DCC: variants seen among roughly 807,000 people sequenced by gnomAD.
DCC encodes DCC netrin 1 receptor.
In DCC, 58 loss-of-function variants were observed where a neutral mutation model predicts 172.5. The observed-to-expected ratio is 0.34, with a 90% CI of 0.27 to 0.42. The LOEUF is 0.42. Among genes scored for constraint, DCC ranks in the 10% least tolerant of loss-of-function variants. The pLI is 1.00. For synonymous variants in DCC, 709 were observed against 644.5 expected (o/e 1.10, Z -1.52); for missense variants, 1,740 against 1,791.0 (o/e 0.97, Z 0.51).
At chr18:53,372,297 T>C (rs1028541387) in intron 15 of DCC, among the ~76,000 whole-genome samples, 2 of 152,024 alleles carry the variant, frequency 1.3e-5, no homozygotes, top group Non-Finnish European at 2.9e-5. Context: ...TAAAAAAGAA[T>C]GATATGGCCT....
intron 1 of DCC, among the ~76,000 whole-genome samples, chr18:52,721,850 A>C (rs7241470): frequency 0.98 from 148,798 of 152,126 alleles, 72,847 homozygotes; most frequent in East Asian, 1. Flanking sequence ...CATGGTGAAA[A>C]CCTATCTCTA....
chr18:52,765,199 A>ATTTTTTTTTTTTTTTTTTTTTTTTT (rs369735420), intron 2 of DCC, among the ~76,000 whole-genome samples: 2 of 120,116 alleles, frequency 1.7e-5, no homozygotes, highest in African/African-American at 3.4e-5. Flanking sequence ...ACTCCTGGCT[A>ATTTTTTTTTTTTTTTTTTTTTTTTT]ATTTTTTTTT....
At chr18:53,450,033 GCA>G (rs2045388040) in intron 22 of DCC, among the ~76,000 whole-genome samples, 1 of 151,664 alleles carries the variant, frequency 6.6e-6, no homozygotes, top group African/African-American at 2.4e-5. Flanking sequence ...CTCTCACTTA[GCA>G]CAGTGTTTCC....
intron 1 of DCC, among the ~76,000 whole-genome samples, chr18:52,664,714 G>T (rs1046737965): frequency 1.3e-5 from 2 of 151,592 alleles, no homozygotes; most frequent in Non-Finnish European, 2.9e-5. Flanking sequence ...CTCGTGATCC[G>T]CCCGCCTCGG....
At chr18:52,813,386 C>G (rs2038234836) in intron 2 of DCC, among the ~76,000 whole-genome samples, 1 of 152,124 alleles carries the variant, frequency 6.6e-6, no homozygotes, top group Non-Finnish European at 1.5e-5. Context: ...GGAGGGGGAA[C>G]AGTACAGAAT....
intron 7 of DCC, among the ~76,000 whole-genome samples, chr18:53,074,393 CTT>C (rs1568286440): frequency 6.6e-6 from 1 of 152,150 alleles, no homozygotes; most frequent in African/African-American, 2.4e-5. Context: ...AAAAGTGCAA[CTT>C]AATATTTTTG....
chr18:52,928,385 G>C (rs979771087), intron 5 of DCC, among the ~76,000 whole-genome samples: 1 of 152,068 alleles, frequency 6.6e-6, no homozygotes, highest in Non-Finnish European at 1.5e-5. Context: ...GCCCCAGTGA[G>C]ATGCAACTTA....
At chr18:52,429,183 C>A (rs1335145098) in intron 1 of DCC, among the ~76,000 whole-genome samples, 2 of 152,058 alleles carry the variant, frequency 1.3e-5, no homozygotes, top group African/African-American at 4.8e-5. Context: ...CTGCGCTAAG[C>A]ATTTTAAGCA....
intron 1 of DCC, among the ~76,000 whole-genome samples, chr18:52,705,294 A>G (rs991713858): frequency 2.0e-5 from 3 of 152,196 alleles, no homozygotes; most frequent in Non-Finnish European, 2.9e-5. Flanking sequence ...GGTGGCAGCA[A>G]CCCCAAAATA....
intron 1 of DCC, among the ~76,000 whole-genome samples, chr18:52,505,191 C>T (rs2031185724): frequency 6.7e-6 from 1 of 148,150 alleles, no homozygotes; most frequent in South Asian, 2.1e-4. Flanking sequence ...TTTCTGTCTG[C>T]CCCTAACTGG....
At chr18:52,941,724 T>G (rs917950846) in intron 5 of DCC, among the ~76,000 whole-genome samples, 71 of 152,252 alleles carry the variant, frequency 4.7e-4, no homozygotes, top group African/African-American at 1.7e-3. Context: ...CTATTAATAT[T>G]TCACTGTACT....
At chr18:52,674,618 A>T (rs1297807742) in intron 1 of DCC, among the ~76,000 whole-genome samples, 2 of 152,222 alleles carry the variant, frequency 1.3e-5, no homozygotes, top group Non-Finnish European at 2.9e-5. Context: ...AATACCAAAA[A>T]ATGTGATTCT....
chr18:52,630,369 AG>A (rs1348280812), intron 1 of DCC, among the ~76,000 whole-genome samples: 16 of 152,342 alleles, frequency 1.1e-4, no homozygotes, highest in Middle Eastern at 3.4e-3. Context: ...ATGAAGAAAA[AG>A]CTCAGTCTTT....
At chr18:52,635,913 CCA>C (rs2144889087) in intron 1 of DCC, among the ~76,000 whole-genome samples, 1 of 152,264 alleles carries the variant, frequency 6.6e-6, no homozygotes, top group South Asian at 2.1e-4. Flanking sequence ...AATTTTAGCT[CCA>C]GATTGACTAC....
At chr18:52,607,564 G>A (rs1400012069) in intron 1 of DCC, among the ~76,000 whole-genome samples, 2 of 152,270 alleles carry the variant, frequency 1.3e-5, no homozygotes, top group Non-Finnish European at 2.9e-5. Flanking sequence ...GCAAGGAACT[G>A]TCCTCACCAG....
chr18:53,351,465 T>TATATATATATATACACA (rs1568075523), intron 15 of DCC, among the ~76,000 whole-genome samples: 14 of 17,444 alleles, frequency 8.0e-4, no homozygotes, highest in African/African-American at 3.1e-3. Context: ...ATACACAGTG[T>TATATATATATATACACA]GTATATATAT....
At chr18:52,611,200 G>T (rs2034270248) in intron 1 of DCC, among the ~76,000 whole-genome samples, 1 of 152,068 alleles carries the variant, frequency 6.6e-6, no homozygotes, top group East Asian at 1.9e-4. Context: ...AGCTCACAGG[G>T]TGTCTTTCCC....
rs1324160178 is a variant in DCC at position 52,704,380 on chromosome 18, TAAC to T, written c.92-47671_92-47669del. Among the ~76,000 whole-genome samples, 12 of 152,312 alleles carry T rather than the reference TAAC, an allele frequency of 7.9e-5. No homozygotes were observed. In the South Asian group the frequency reaches 1.7e-3, roughly 21 times the overall value. On this transcript the variant is annotated intron_variant, in intron 1 of 28. Transcript: ENST00000442544. ...TTATTTACAAATTGGGGTCCTGACTTAACAAATAAATATTTGAGGCTTTCAAAA... is the reference window on the plus strand; with the variant it reads ...TTATTTACAAATTGGGGTCCTGACTTAAATAAATATTTGAGGCTTTCAAAA...
chr18:52,808,324 A>G (rs2038126282), intron 2 of DCC, among the ~76,000 whole-genome samples: 1 of 151,778 alleles, frequency 6.6e-6, no homozygotes, highest in African/African-American at 2.4e-5. Context: ...TGACATCTAA[A>G]CCACTAGGAA....
Sources: gnomAD v4.1 joint callset for allele counts (sites outside exome capture counted in the v4.1 genomes callset) on GRCh38, gnomAD v4.1.1 for gene constraint, MANE v1.5 for transcripts, NCBI Gene and HGNC (gene_info 2026-07-23, HGNC 2026-07-21) for gene names.